Variants in ZNF280D observed in about 807,000 individuals in gnomAD.
ZNF280D encodes the protein suppressor of hairy wing homolog 4.
In ZNF280D, 39 loss-of-function variants were observed where a neutral mutation model predicts 94.7. The ratio of observed to expected loss-of-function variants is 0.41; its 90% CI spans 0.32 to 0.54. ZNF280D has a LOEUF of 0.54. Among genes scored for constraint, ZNF280D ranks in the 20% least tolerant of loss-of-function variants. The pLI is 0.22. For missense variants in ZNF280D, 1,090 were observed against 1,149.3 expected, an observed-to-expected ratio of 0.95 and a Z score of 0.75; for synonymous variants, 398 against 377.6, an observed-to-expected ratio of 1.05 and a Z score of -0.63.
chr15:56,732,571 C>A (rs1376917386), intron 1 of ZNF280D: 1 of 152,102 alleles, frequency 6.6e-6, no homozygotes, highest in African/African-American at 2.4e-5. Flanking sequence ...CTGTCCAAAC[C>A]TGAAAATAAA....
chr15:56,713,117 T>A (rs1457619661), intron 1 of ZNF280D, among the ~76,000 whole-genome samples: 1 of 152,178 alleles, frequency 6.6e-6, no homozygotes, highest in Non-Finnish European at 1.5e-5. Flanking sequence ...AAAAATCACA[T>A]TATAAAGTTA....
At position 56,635,222 on chromosome 15, in the gene ZNF280D, C is replaced by T. The variant is rs1314209637; in HGVS notation, c.2288G>A (p.Arg763Lys). ...TTCAGAATTTGATGTTTCTGTTTCT[C>T]TTTCAGCCATGTTAGGTCTTGCAAT... ...KEIARPNMAE[R>K]ETETSNSESK... is the part of the protein sequence containing the mutation. Residue 763 changes from arginine to lysine, a missense_variant, in exon 21 of 22, where the codon AGA becomes AAA. Arg to Lys is a conservative substitution (Grantham distance 26). Around this residue, in one of 3 missense-constraint regions of ZNF280D, gnomAD observed 577 missense variants for 568.8 expected, o/e 1.01. Transcript: ENST00000267807. 3 of 1,557,902 alleles carry T rather than the reference C, an allele frequency of 1.9e-6. No individual in the cohort carries two copies. Among genetic ancestry groups the T allele is most frequent in the East Asian group, 2.4e-5 (1 of 41,568 alleles).
chr15:56,705,601 C>A (rs1172796241), intron 3 of ZNF280D, among the ~76,000 whole-genome samples: 2 of 152,170 alleles, frequency 1.3e-5, no homozygotes, highest in African/African-American at 2.4e-5. Context: ...CACCTAAAAT[C>A]AAGTGGATAC....
intron 21 of ZNF280D, among the ~76,000 whole-genome samples, 193 bp from the exon 22 acceptor site, chr15:56,632,315 G>A (rs546737210): frequency 6.6e-6 from 1 of 152,040 alleles, no homozygotes; most frequent in Admixed American, 6.6e-5. Context: ...GCAAGATTCT[G>A]AGAAACTCTG....
intron 1 of ZNF280D, among the ~76,000 whole-genome samples, chr15:56,723,794 T>A (rs995886565): frequency 6.6e-6 from 1 of 152,226 alleles, no homozygotes; most frequent in Admixed American, 6.5e-5. Flanking sequence ...ATTCACTTTA[T>A]ATAGTTGCTC....
intron 1 of ZNF280D, among the ~76,000 whole-genome samples, chr15:56,730,774 C>G (rs1272674740): frequency 6.6e-6 from 1 of 152,196 alleles, no homozygotes; most frequent in Non-Finnish European, 1.5e-5. Flanking sequence ...ACTTCTTCTT[C>G]TTCCTAACTT....
Position 56,631,531 on chromosome 15 carries a change from T to C in ZNF280D, c.2907A>G (p.Thr969=), listed in dbSNP as rs751666445. 2.5e-6 allele frequency: 4 copies of C among 1,613,746 alleles called. No homozygotes were observed. The highest frequency in any genetic ancestry group is 4.5e-5 in the East Asian group (2 of 44,864). Residue 969 remains threonine (T), a synonymous_variant, in exon 22 of 22, where the codon ACA becomes ACG. Coordinates refer to ENST00000267807, the MANE Select transcript of ZNF280D (RefSeq NM_017661.4). ...GGNNPSTTEA[T]VDLEDEKERS ...TTTCTTTTTCGTCTTCCAGGTCTAC[T>C]GTTGCCTCTGTTGTGCTAGGGTTAT...
rs536156932 is a variant in ZNF280D, at chr15:56,631,860, T to C, written c.2578A>G (p.Ile860Val). The C allele has an allele frequency of 5.0e-6, 8 of 1,613,898 alleles. No individual in the cohort carries two copies. The African/African-American group carries it at 8.0e-5, about 16-fold the overall frequency. The change falls in exon 22 of 22, where the codon ATA becomes GTA. Residue 860 changes from isoleucine to valine, a missense_variant. Coordinates refer to ENST00000267807, the MANE Select transcript of ZNF280D (RefSeq NM_017661.4). Reference protein sequence around the residue: ...ELKMCQSSENIILSDQIKDHN... With the variant: ...ELKMCQSSENVILSDQIKDHN... ...TCTTTAATCTGATCAGATAAGATTA[T>C]GTTTTCTGAACTTTGGCACATCTTC...
chr15:56,724,927 T>C (rs1414585269), intron 1 of ZNF280D: 2 of 453,796 alleles, frequency 4.4e-6, no homozygotes, highest in African/African-American at 4.0e-5. Context: ...TGCATTTTGG[T>C]TATGAAGGCC....
intron 15 of ZNF280D, 52 bp downstream of exon 15, chr15:56,666,625 TAA>T (rs1187784510): frequency 3.3e-6 from 5 of 1,513,606 alleles, no homozygotes; most frequent in Non-Finnish European, 4.4e-6. Context: ...AACTAAAGTA[TAA>T]GTTTTTATAC....
chr15:56,730,592 T>C (rs1455162367), intron 1 of ZNF280D: 1 of 152,232 alleles, frequency 6.6e-6, no homozygotes, highest in Non-Finnish European at 1.5e-5. Flanking sequence ...CTATTTACCA[T>C]AGCTTACTAT....
intron 1 of ZNF280D, among the ~76,000 whole-genome samples, chr15:56,732,171 T>C (rs1738369812): frequency 1.3e-5 from 2 of 152,162 alleles, no homozygotes; most frequent in African/African-American, 4.8e-5. Context: ...ATTAATATAA[T>C]TGGCCTTGGC....
chr15:56,694,314 C>G (rs990986469), intron 6 of ZNF280D, among the ~76,000 whole-genome samples: 1 of 151,274 alleles, frequency 6.6e-6, no homozygotes. Context: ...CACACACACA[C>G]ACACACACAC....
chr15:56,684,497 GAA>G (rs1214373625), intron 9 of ZNF280D, among the ~76,000 whole-genome samples: 1 of 150,590 alleles, frequency 6.6e-6, no homozygotes, highest in Non-Finnish European at 1.5e-5. Context: ...TATTTAGAAG[GAA>G]AAAAAAGAGT....
chr15:56,720,796 T>C (rs2058314295), intron 1 of ZNF280D, among the ~76,000 whole-genome samples: 1 of 152,096 alleles, frequency 6.6e-6, no homozygotes, highest in Admixed American at 6.6e-5. Context: ...TGAGCAGTAA[T>C]ATTTTGAAAG....
chr15:56,691,722 C>G (rs1467061995), intron 7 of ZNF280D, among the ~76,000 whole-genome samples: 1 of 152,106 alleles, frequency 6.6e-6, no homozygotes, highest in African/African-American at 2.4e-5. Flanking sequence ...TGGCACATAT[C>G]ATTCATAATT....
At chr15:56,670,006 TA>T (rs2054740182) in intron 13 of ZNF280D, among the ~76,000 whole-genome samples, 3 of 1,072 alleles carry the variant, frequency 2.8e-3, no homozygotes, top group African/African-American at 5.3e-3. Context: ...ATTATATATA[TA>T]TAATATATAT....
rs111485025 is a variant in ZNF280D at position 56,718,690 on chromosome 15, T to A, written c.-85-11384A>T. ...ACTAAAATCTCCTGCAAATCTGATC[T>A]AGGTTGCAAACCACTTGCTCTAGTT... is the stretch of plus-strand genomic sequence containing the variant. On this transcript the variant is annotated intron_variant, in intron 1 of 21. Transcript: ENST00000267807. 1.2e-3 allele frequency among the ~76,000 whole-genome samples: 177 copies of A among 152,276 alleles called. 5 individuals are homozygous for A. Among genetic ancestry groups the A allele is most frequent in the African/African-American group, 4.1e-3 (172 of 41,548 alleles).
At chr15:56,712,003 A>C (rs1407495031) in intron 1 of ZNF280D, among the ~76,000 whole-genome samples, 2 of 152,188 alleles carry the variant, frequency 1.3e-5, no homozygotes, top group Non-Finnish European at 2.9e-5. Context: ...AGTCCATTAT[A>C]ATCTTACAGG....
Sources: allele counts gnomAD v4.1 joint callset (sites outside exome capture counted in the v4.1 genomes callset), GRCh38; gene constraint gnomAD v4.1.1; regional missense constraint gnomAD v4.1.1; transcripts MANE v1.5; gene names NCBI Gene and HGNC (gene_info 2026-07-23, HGNC 2026-07-21).